Variants in SNTB1 observed in about 807,000 individuals in gnomAD.
The protein encoded by SNTB1 is syntrophin beta 1.
In SNTB1, 36 loss-of-function variants were observed where a neutral mutation model predicts 48.9. That is an observed-to-expected ratio of 0.74 (90% CI 0.56 to 0.97). The LOEUF (loss-of-function observed/expected upper bound fraction) is 0.97, where lower values mean the gene tolerates loss of function less well. Among genes scored for constraint, SNTB1 ranks in the 50% least tolerant of loss-of-function variants. The pLI is 0.00. For missense variants in SNTB1, 786 were observed against 703.4 expected (o/e 1.12, Z -1.33); for synonymous variants, 299 against 294.6 (o/e 1.01, Z -0.15).
chr8:120,543,560 T>A (rs977639596), intron 5 of SNTB1, among the ~76,000 whole-genome samples: 1 of 152,128 alleles, frequency 6.6e-6, no homozygotes, highest in Non-Finnish European at 1.5e-5. Context: ...TTCTTTCCAC[T>A]CTGTCCTGTG....
intron 1 of SNTB1, among the ~76,000 whole-genome samples, chr8:120,777,087 C>T (rs1819747673): frequency 1.3e-5 from 2 of 152,202 alleles, no homozygotes; most frequent in Non-Finnish European, 2.9e-5. Context: ...AAGGACAGAA[C>T]TTTCCAGGAG....
At chr8:120,584,462 GT>G (rs1816104284) in intron 3 of SNTB1, among the ~76,000 whole-genome samples, 3 of 44,270 alleles carry the variant, frequency 6.8e-5, no homozygotes, top group Admixed American at 2.2e-4. Context: ...AAAAAAAAAA[GT>G]GTAGTAATTT....
intron 1 of SNTB1, among the ~76,000 whole-genome samples, chr8:120,792,120 C>T (rs982845276): frequency 1.3e-5 from 2 of 151,008 alleles, no homozygotes; most frequent in African/African-American, 4.9e-5. Flanking sequence ...CACACACACA[C>T]CCACACACAC....
At chr8:120,712,853 C>T (rs770369247) in intron 1 of SNTB1, among the ~76,000 whole-genome samples, 12 of 152,268 alleles carry the variant, frequency 7.9e-5, no homozygotes, top group South Asian at 2.1e-4. Flanking sequence ...TTATGCTGCA[C>T]AGTAAGTGGC....
chr8:120,796,107 A>G (rs1158340997), intron 1 of SNTB1, among the ~76,000 whole-genome samples: 1 of 151,868 alleles, frequency 6.6e-6, no homozygotes. Context: ...ATAGTGAGTG[A>G]GTTTTCAAGA....
intron 3 of SNTB1, among the ~76,000 whole-genome samples, chr8:120,585,999 G>A (rs1281115613): frequency 6.6e-6 from 1 of 152,152 alleles, no homozygotes; most frequent in East Asian, 1.9e-4. Context: ...CAGCTCATGG[G>A]ATAGAAAACA....
intron 2 of SNTB1, among the ~76,000 whole-genome samples, chr8:120,667,412 A>G (rs1394942879): frequency 6.6e-6 from 1 of 152,222 alleles, no homozygotes; most frequent in African/African-American, 2.4e-5. Context: ...GTGAGGAAGA[A>G]TAGACAGGAC....
chr8:120,539,062 C>G (rs935150658), intron 6 of SNTB1, 93 bp from the exon 7 acceptor site: 1 of 876,234 alleles, frequency 1.1e-6, no homozygotes, highest in African/African-American at 1.7e-5. Context: ...ATATGCACTT[C>G]CTTCTTTTAA....
intron 1 of SNTB1, among the ~76,000 whole-genome samples, chr8:120,730,108 C>T (rs574525970): frequency 1.3e-5 from 2 of 152,136 alleles, no homozygotes; most frequent in Non-Finnish European, 2.9e-5. Flanking sequence ...AAGTACCCAC[C>T]TATCCTATGC....
At chr8:120,623,302 T>C (rs12334354) in intron 3 of SNTB1, among the ~76,000 whole-genome samples, 3,044 of 152,276 alleles carry the variant, frequency 0.02, 96 homozygotes, top group African/African-American at 0.071. Context: ...CCTCACATGT[T>C]TCCAAAAGCC....
chr8:120,549,033 C>A, intron 4 of SNTB1, 75 bp from the exon 5 acceptor site: 1 of 1,243,312 alleles, frequency 8.0e-7, no homozygotes, highest in East Asian at 2.4e-5. Flanking sequence ...TTGTATAAGA[C>A]CCAAATTGGT....
At chr8:120,777,911 C>T (rs955142078) in intron 1 of SNTB1, among the ~76,000 whole-genome samples, 2 of 152,166 alleles carry the variant, frequency 1.3e-5, no homozygotes, top group African/African-American at 2.4e-5. Flanking sequence ...TAAGCAATTC[C>T]AATTAACAGT....
chr8:120,693,383 G>T (rs377126934), intron 2 of SNTB1, among the ~76,000 whole-genome samples: 16 of 152,146 alleles, frequency 1.1e-4, no homozygotes, highest in African/African-American at 3.4e-4. Flanking sequence ...CAAAACTGAG[G>T]TTAAGCGGTT....
intron 4 of SNTB1, among the ~76,000 whole-genome samples, chr8:120,549,781 G>A (rs917278979): frequency 8.5e-5 from 13 of 152,118 alleles, no homozygotes; most frequent in East Asian, 5.8e-4. Flanking sequence ...CCTACTCCTC[G>A]ATATCTCAAT....
chr8:120,565,828 A>G (rs1815739171), intron 4 of SNTB1, among the ~76,000 whole-genome samples: 2 of 152,168 alleles, frequency 1.3e-5, no homozygotes, highest in African/African-American at 4.8e-5. Flanking sequence ...TGAAGCTCCA[A>G]TGCAAACGTA....
chr8:120,606,061 A>G (rs1383610509), intron 3 of SNTB1, among the ~76,000 whole-genome samples: 2 of 151,954 alleles, frequency 1.3e-5, no homozygotes, highest in South Asian at 2.1e-4. Flanking sequence ...CCCTTAGTGA[A>G]TGCCACCAAC....
intron 3 of SNTB1, among the ~76,000 whole-genome samples, chr8:120,622,004 T>A (rs1816800824): frequency 6.6e-6 from 1 of 152,220 alleles, no homozygotes; most frequent in Non-Finnish European, 1.5e-5. Flanking sequence ...CACCATCTCA[T>A]GCATTCAACA....
rs188498266 is a variant in SNTB1, at chr8:120,599,991, C to T, written c.997-24766G>A. On this transcript the variant is annotated intron_variant, in intron 3 of 6. Transcript: ENST00000517992. ...TTTGTTGTTAAAAACCAGAAAATGC[C>T]GGGAAGTAACAAGAAACACAGAAAA... 2.0e-3 allele frequency among the ~76,000 whole-genome samples: 309 copies of T among 152,172 alleles called. 1 individual carries two copies. Among genetic ancestry groups the T allele is most frequent in the African/African-American group, 6.3e-3 (261 of 41,512 alleles).
intron 1 of SNTB1, among the ~76,000 whole-genome samples, chr8:120,740,715 G>T (rs1424470658): frequency 6.6e-6 from 1 of 151,970 alleles, no homozygotes; most frequent in Admixed American, 6.5e-5. Context: ...AGAATGATGG[G>T]CGGCCTGTAG....
Sources: gnomAD v4.1 joint callset for allele counts (sites outside exome capture counted in the v4.1 genomes callset) on GRCh38, gnomAD v4.1.1 for gene constraint, MANE v1.5 for transcripts, NCBI Gene and HGNC (gene_info 2026-07-23, HGNC 2026-07-21) for gene names.